Variants in EYS observed in about 807,000 individuals in gnomAD.
EYS encodes the protein protein eyes shut homolog.
A neutral mutation model predicts 282.1 loss-of-function variants in EYS; 250 were observed. The observed-to-expected ratio is 0.89, with a 90% CI of 0.80 to 0.98. The LOEUF is 0.98. Among genes scored for constraint, EYS ranks in the 50% least tolerant of loss-of-function variants. EYS has a pLI of 0.00. For synonymous variants in EYS, 1,355 were observed against 1,282.9 expected (o/e 1.06, Z -1.20); for missense variants, 4,016 against 3,709.0 (o/e 1.08, Z -2.15).
At chr6:64,159,082 T>TC (rs1241848554) in intron 31 of EYS, among the ~76,000 whole-genome samples, 3 of 152,076 alleles carry the variant, frequency 2.0e-5, no homozygotes, top group African/African-American at 4.8e-5. Context: ...AGCTCCCAAA[T>TC]CCCCACAAAT....
chr6:64,367,882 C>G (rs2150411902), intron 29 of EYS, among the ~76,000 whole-genome samples: 1 of 152,224 alleles, frequency 6.6e-6, no homozygotes, highest in East Asian at 1.9e-4. Flanking sequence ...CTTTGACCAA[C>G]TGAATGCAGC....
chr6:63,867,134 A>G (rs1772689042), intron 35 of EYS, among the ~76,000 whole-genome samples: 1 of 152,176 alleles, frequency 6.6e-6, no homozygotes, highest in African/African-American at 2.4e-5. Context: ...GAATGCTCTA[A>G]GACTGATGGA....
At chr6:64,091,347 G>T (rs577807340) in intron 31 of EYS, among the ~76,000 whole-genome samples, 4 of 151,968 alleles carry the variant, frequency 2.6e-5, no homozygotes, top group Non-Finnish European at 5.9e-5. Flanking sequence ...TTTTATCTCT[G>T]TTGTTCTAAA....
chr6:65,093,319 C>T (rs1164071194), intron 12 of EYS, among the ~76,000 whole-genome samples: 1 of 151,520 alleles, frequency 6.6e-6, no homozygotes, highest in Non-Finnish European at 1.5e-5. Context: ...TACTAAACAG[C>T]AAAATGAAAG....
chr6:64,994,506 C>T (rs933233423), intron 14 of EYS, among the ~76,000 whole-genome samples: 5 of 152,064 alleles, frequency 3.3e-5, no homozygotes, highest in African/African-American at 1.2e-4. Flanking sequence ...GCCGGTGACT[C>T]TTTAGGCAAA....
chr6:63,913,541 G>C (rs1010116465), intron 35 of EYS, among the ~76,000 whole-genome samples: 1 of 152,052 alleles, frequency 6.6e-6, no homozygotes, highest in Non-Finnish European at 1.5e-5. Flanking sequence ...TCTATTTTCT[G>C]TCTCTATAGA....
At chr6:65,158,969 A>C (rs1317101631) in intron 12 of EYS, among the ~76,000 whole-genome samples, 1 of 150,866 alleles carries the variant, frequency 6.6e-6, no homozygotes, top group Admixed American at 6.6e-5. Flanking sequence ...TTAGCATTGC[A>C]CTGAGAGGGT....
intron 5 of EYS, among the ~76,000 whole-genome samples, chr6:65,443,471 G>GCA (rs911573316): frequency 4.1e-5 from 6 of 146,856 alleles, no homozygotes; most frequent in African/African-American, 1.2e-4. Flanking sequence ...CCATACACAT[G>GCA]CACATATATA....
At chr6:65,579,904 T>C (rs1764812213) in intron 2 of EYS, among the ~76,000 whole-genome samples, 1 of 152,134 alleles carries the variant, frequency 6.6e-6, no homozygotes, top group Non-Finnish European at 1.5e-5. Context: ...TCTACTCTTT[T>C]GTAATTTCCA....
chr6:63,877,634 C>G (rs1057176669), intron 35 of EYS, among the ~76,000 whole-genome samples: 1 of 148,206 alleles, frequency 6.7e-6, no homozygotes, highest in African/African-American at 2.5e-5. Flanking sequence ...GTTTTTTTTA[C>G]ATAGCCCCAT....
At chr6:64,017,905 A>G (rs1242910151) in intron 33 of EYS, among the ~76,000 whole-genome samples, 1 of 152,058 alleles carries the variant, frequency 6.6e-6, no homozygotes, top group Non-Finnish European at 1.5e-5. Flanking sequence ...GAACTTATAC[A>G]TTTTCATTGA....
chr6:65,040,084 T>C (rs922479187), intron 13 of EYS, among the ~76,000 whole-genome samples: 3 of 151,662 alleles, frequency 2.0e-5, no homozygotes, highest in Non-Finnish European at 3.0e-5. Flanking sequence ...AATGACACTT[T>C]TATCAGATAA....
chr6:64,847,244 G>A (rs72648375), intron 19 of EYS, among the ~76,000 whole-genome samples: 4,964 of 151,554 alleles, frequency 0.033, 208 homozygotes, highest in East Asian at 0.24. Context: ...TCTCTCTCCT[G>A]CCATTCTCTC....
At chr6:64,897,999 C>G (rs1767529349) in intron 18 of EYS, among the ~76,000 whole-genome samples, 1 of 152,156 alleles carries the variant, frequency 6.6e-6, no homozygotes, top group Non-Finnish European at 1.5e-5. Flanking sequence ...CTGAAAGTGA[C>G]AGGGAGAATG....
intron 19 of EYS, among the ~76,000 whole-genome samples, chr6:64,869,650 T>C (rs1766530032): frequency 1.3e-5 from 2 of 151,456 alleles, no homozygotes; most frequent in Middle Eastern, 3.4e-3. Flanking sequence ...CAAAGGAAAA[T>C]AGTGTAGCAT....
chr6:65,542,157 T>G (rs1241552874), intron 2 of EYS, among the ~76,000 whole-genome samples: 1 of 152,210 alleles, frequency 6.6e-6, no homozygotes, highest in African/African-American at 2.4e-5. Context: ...GAGTAGTTTA[T>G]GAATTCTAAG....
rs112076826 is a variant in EYS at position 65,206,392 on chromosome 6, TAA to T, written c.2023+89469_2023+89470del. ...TAATGAGTAATAAAATTGAATCAAT[TAA>T]AAAAAAAATTATAAAAATAAGCCCA... On this transcript the variant is annotated intron_variant, in intron 12 of 42. Coordinates refer to ENST00000503581, the MANE Select transcript of EYS (RefSeq NM_001142800.2). 6.9e-3 allele frequency among the ~76,000 whole-genome samples: 1,026 copies of T among 148,948 alleles called. 7 individuals carry two copies. The highest frequency in any genetic ancestry group is 0.023 in the African/African-American group (929 of 40,872).
chr6:63,945,678 G>A (rs1321998009), intron 35 of EYS, among the ~76,000 whole-genome samples: 3 of 152,188 alleles, frequency 2.0e-5, no homozygotes, highest in African/African-American at 7.2e-5. Context: ...ATTGTATGAT[G>A]AAATTTGTAT....
intron 26 of EYS, among the ~76,000 whole-genome samples, chr6:64,490,816 TA>T (rs775910193): frequency 2.0e-5 from 3 of 150,830 alleles, no homozygotes; most frequent in Non-Finnish European, 4.5e-5. Context: ...CTTGGAAGAA[TA>T]AAAATGTATT....
Sources: allele counts gnomAD v4.1 joint callset (sites outside exome capture counted in the v4.1 genomes callset), GRCh38; gene constraint gnomAD v4.1.1; transcripts MANE v1.5; gene names NCBI Gene and HGNC (gene_info 2026-07-23, HGNC 2026-07-21).